Variants in FAM177A1 observed in about 807,000 individuals in gnomAD.
FAM177A1 encodes protein FAM177A1.
FAM177A1 carries 22 observed loss-of-function variants against 26.1 expected under a neutral mutation model. That is an observed-to-expected ratio of 0.84 (90% confidence interval 0.60 to 1.20). The LOEUF (loss-of-function observed/expected upper bound fraction) is 1.20, where lower values mean the gene tolerates loss of function less well. Ranked by LOEUF, FAM177A1 falls within the 50% of genes most tolerant of loss-of-function variation. FAM177A1 has a pLI of 0.00. For missense variants in FAM177A1, 296 were observed against 291.1 expected (o/e 1.02, Z -0.12); for synonymous variants, 95 against 99.3 (o/e 0.96, Z 0.26).
intron 2 of FAM177A1, among the ~76,000 whole-genome samples, chr14:35,071,290 C>T (rs1412733524): frequency 2.0e-5 from 3 of 151,936 alleles, no homozygotes; most frequent in African/African-American, 7.3e-5. Context: ...AGCCACTGCA[C>T]CCGGCCGACC....
intron 2 of FAM177A1, among the ~76,000 whole-genome samples, chr14:35,064,441 C>G (rs12881415): frequency 0.21 from 31,872 of 151,986 alleles, 4,026 homozygotes; most frequent in Non-Finnish European, 0.29. Flanking sequence ...TGAGCTGTTA[C>G]TGTACTGTCA....
chr14:35,048,119 T>C (rs549542383), intron 1 of FAM177A1, among the ~76,000 whole-genome samples: 11 of 152,292 alleles, frequency 7.2e-5, no homozygotes, highest in African/African-American at 2.6e-4. Flanking sequence ...GGGGACAACA[T>C]GAATTGATAA....
chr14:35,078,916 T>C lies in FAM177A1; in HGVS notation c.407-11T>C, dbSNP rs2045437170. The stretch of plus-strand genomic sequence containing the variant: ...AGAATTATATAAGTCTTTTAACTTT[T>C]GTATTTTCAGTGTGTGACTTCCTTG... On this transcript the variant is annotated splice_polypyrimidine_tract_variant and intron_variant, in intron 3 of 4. Transcript: ENST00000280987. The C allele has an allele frequency of 1.3e-6, 2 of 1,515,612 alleles. No homozygotes were observed. Among genetic ancestry groups the C allele is most frequent in the Non-Finnish European group, 1.7e-6 (2 of 1,142,982 alleles). 93.9% of individuals were successfully genotyped at this position (1,515,612 alleles called of 1,614,324 possible).
chr14:35,057,332 TTTA>T lies in FAM177A1; in HGVS notation c.339+3882_339+3884del, dbSNP rs1317880954. Among the ~76,000 whole-genome samples, 6 of 152,080 alleles carry T rather than the reference TTTA, an allele frequency of 3.9e-5. No individual in the cohort carries two copies. The East Asian group carries it at 7.7e-4, about 20-fold the overall frequency. ...TGCTTCAGCCTCACAAGTAGTAGGG[TTTA>T]CAGATGTGCACCACCATGCCCAGCT... is the stretch of plus-strand genomic sequence containing the variant. On this transcript the variant is annotated intron_variant, in intron 2 of 4. Transcript: ENST00000280987.
At position 35,081,741 on chromosome 14, in the gene FAM177A1, T is replaced by C. The variant is rs1040653729; in HGVS notation, c.*513T>C. ...CAAGATGGAAGCACTTTGAATTTTC[T>C]TTCATTGAGAATAACTGTTTTATGT... On this transcript the variant is annotated 3_prime_UTR_variant, in exon 5 of 5. Transcript: ENST00000280987. 3 of 152,312 alleles carry C rather than the reference T, an allele frequency of 2.0e-5. No homozygotes were observed. The highest frequency in any genetic ancestry group is 7.2e-5 in the African/African-American group (3 of 41,466). The allele number at this position is 152,312 out of a possible 1,614,324, so 9.4% of individuals were successfully genotyped here.
At chr14:35,080,349 T>C (rs2045461382) in intron 4 of FAM177A1, among the ~76,000 whole-genome samples, 2 of 152,314 alleles carry the variant, frequency 1.3e-5, no homozygotes, top group Non-Finnish European at 2.9e-5. Flanking sequence ...AACCAACCTA[T>C]TCAACCGAAT....
chr14:35,070,909 T>A (rs2045311213), intron 2 of FAM177A1, among the ~76,000 whole-genome samples: 1 of 152,126 alleles, frequency 6.6e-6, no homozygotes, highest in Non-Finnish European at 1.5e-5. Context: ...ACTGGAAAGG[T>A]ACCCTGATAT....
intron 2 of FAM177A1, among the ~76,000 whole-genome samples, chr14:35,058,119 G>A (rs2045090915): frequency 1.3e-5 from 2 of 151,732 alleles, no homozygotes; most frequent in Admixed American, 1.3e-4. Context: ...TGTTGCCTAG[G>A]CTGGAGTGCA....
intron 2 of FAM177A1, among the ~76,000 whole-genome samples, chr14:35,076,074 C>T (rs1481743944): frequency 6.6e-6 from 1 of 152,194 alleles, no homozygotes; most frequent in Non-Finnish European, 1.5e-5. Context: ...CCATTTGACT[C>T]AGCCATCCCA....
intron 4 of FAM177A1, 110 bp from the exon 5 acceptor site, chr14:35,080,912 C>CTT (rs71435851): frequency 3.6e-3 from 3,888 of 1,073,946 alleles, no homozygotes; most frequent in South Asian, 5.2e-3. Flanking sequence ...GAACATGACA[C>CTT]TTTTTTTTTT....
intron 2 of FAM177A1, among the ~76,000 whole-genome samples, chr14:35,057,363 C>T (rs1566668613): frequency 6.6e-6 from 1 of 151,980 alleles, no homozygotes; most frequent in Non-Finnish European, 1.5e-5. Context: ...GCCCAGCTTC[C>T]CATAAGTTTT....
At chr14:35,069,493 C>T (rs2045286937) in intron 2 of FAM177A1, among the ~76,000 whole-genome samples, 1 of 152,064 alleles carries the variant, frequency 6.6e-6, no homozygotes, top group Admixed American at 6.6e-5. Context: ...CCATGTTGGT[C>T]AGGCTGGTCT....
Position 35,081,384 on chromosome 14 carries a change from A to G in FAM177A1, c.*156A>G, listed in dbSNP as rs1257427058. Reference sequence around the variant, plus strand: ...AATGTTTTCTTCATTTTTAGGATCTATCTAGCAAAAGCCAGATCTGAAATT... The same window carrying G: ...AATGTTTTCTTCATTTTTAGGATCTGTCTAGCAAAAGCCAGATCTGAAATT... On this transcript the variant is annotated 3_prime_UTR_variant, in exon 5 of 5. Transcript: ENST00000280987. 4.0e-6 allele frequency: 3 copies of G among 741,764 alleles called. No individual in the cohort carries two copies. Among genetic ancestry groups the G allele is most frequent in the African/African-American group, 1.8e-5 (1 of 55,642 alleles). The allele number at this position is 741,764 out of a possible 1,614,324, so 45.9% of individuals were successfully genotyped here.
intron 2 of FAM177A1, among the ~76,000 whole-genome samples, chr14:35,074,524 C>T (rs1165895382): frequency 6.6e-6 from 1 of 151,634 alleles, no homozygotes; most frequent in Non-Finnish European, 1.5e-5. Context: ...CGGGGTTTCT[C>T]CATGTTGGTC....
At chr14:35,046,257 G>C (rs1405782135), upstream of FAM177A1, 1 of 470,920 alleles carries the variant, frequency 2.1e-6, no homozygotes, top group Non-Finnish European at 3.5e-6. Flanking sequence ...GCGCGAGCCG[G>C]TAGTTGCGCC....
chr14:35,051,243 C>G (rs1194731146), intron 1 of FAM177A1, among the ~76,000 whole-genome samples: 1 of 152,134 alleles, frequency 6.6e-6, no homozygotes. Flanking sequence ...CCTCAGCTTC[C>G]CGAGTAGCTG....
chr14:35,046,614 G>A lies in FAM177A1; in HGVS notation c.151G>A (p.Glu51Lys), dbSNP rs754507124. The change falls in exon 1 of 5, where the codon GAA (glutamate) becomes AAA (lysine). Residue 51 changes from glutamate (E) to lysine (K), a missense_variant. Physicochemically the swap from Glu to Lys is moderately conservative, Grantham distance 56. Coordinates refer to ENST00000280987, the MANE Select transcript of FAM177A1 (RefSeq NM_173607.5). Reference protein sequence around the residue: ...SGAAAAAAFGESAGQMSNERG... With the variant: ...SGAAAAAAFGKSAGQMSNERG... ...AGCTGCGGCCGCCGCGGCATTCGGGGAATCTGCAGGGCAGGTAGGTGGGGC... is the reference window on the plus strand; with the variant it reads ...AGCTGCGGCCGCCGCGGCATTCGGGAAATCTGCAGGGCAGGTAGGTGGGGC... 2.8e-5 allele frequency: 43 copies of A among 1,547,438 alleles called. No individual in the cohort carries two copies. Among genetic ancestry groups the A allele is most frequent in the Non-Finnish European group, 3.0e-5 (34 of 1,146,462 alleles).
At chr14:35,077,774 G>A (rs903407382) in intron 3 of FAM177A1, among the ~76,000 whole-genome samples, 1 of 152,096 alleles carries the variant, frequency 6.6e-6, no homozygotes, top group Admixed American at 6.6e-5. Context: ...GAGCCACCGC[G>A]CCCGGCCTCA....
chr14:35,066,491 T>C (rs2045243489), intron 2 of FAM177A1, among the ~76,000 whole-genome samples: 1 of 151,336 alleles, frequency 6.6e-6, no homozygotes, highest in Non-Finnish European at 1.5e-5. Flanking sequence ...CTGCAACCTC[T>C]GCCCTTGGGA....
Sources: gnomAD v4.1 joint callset for allele counts (sites outside exome capture counted in the v4.1 genomes callset) on GRCh38, gnomAD v4.1.1 for gene constraint, MANE v1.5 for transcripts, NCBI Gene and HGNC (gene_info 2026-07-23, HGNC 2026-07-21) for gene names.